The following LAMA2 variants were observed in gnomAD, a reference collection of about 807,000 sequenced individuals.
LAMA2 encodes the protein laminin subunit alpha-2.
Under a neutral mutation model 364.8 loss-of-function variants are expected in LAMA2, and 269 were observed. The ratio of observed to expected loss-of-function variants is 0.74; its 90% confidence interval spans 0.67 to 0.82. LAMA2 has a LOEUF of 0.82. Ranked by LOEUF, LAMA2 falls within the 40% of genes least tolerant of loss-of-function variation. LAMA2 has a pLI of 0.00. For missense variants in LAMA2, 3,807 were observed against 3,873.2 expected, an observed-to-expected ratio of 0.98 and a Z score of 0.45; for synonymous variants, 1,379 against 1,370.6, an observed-to-expected ratio of 1.01 and a Z score of -0.14.
At chr6:129,401,441 T>A in intron 38 of LAMA2, 101 bp downstream of exon 38, 1 of 808,748 alleles carries the variant, frequency 1.2e-6, no homozygotes, top group Non-Finnish European at 2.2e-6. Flanking sequence ...TGTTTTCTTG[T>A]GGAGATAAAA....
At chr6:129,298,281 A>T (rs895163295) in intron 21 of LAMA2, among the ~76,000 whole-genome samples, 6 of 152,132 alleles carry the variant, frequency 3.9e-5, no homozygotes, top group Non-Finnish European at 7.4e-5. Context: ...AAGAAAAGTC[A>T]AGGTGTTTTT....
At chr6:129,511,675 A>G (rs750505992) in intron 62 of LAMA2, among the ~76,000 whole-genome samples, 7 of 152,134 alleles carry the variant, frequency 4.6e-5, no homozygotes, top group Non-Finnish European at 1.0e-4. Context: ...ATCTTAACAT[A>G]TCACTTTGTT....
intron 4 of LAMA2, among the ~76,000 whole-genome samples, chr6:129,114,695 G>A (rs1026198513): frequency 4.0e-5 from 6 of 151,796 alleles, no homozygotes; most frequent in South Asian, 4.1e-4. Context: ...TACTGTTTAC[G>A]AGGCATTGCT....
chr6:129,418,303 G>A (rs758672971), intron 40 of LAMA2, among the ~76,000 whole-genome samples: 2 of 151,660 alleles, frequency 1.3e-5, no homozygotes, highest in South Asian at 2.1e-4. Flanking sequence ...TGAGTGTTTC[G>A]GTCTTTCACT....
chr6:129,193,612 C>G (rs1480939530), intron 12 of LAMA2, among the ~76,000 whole-genome samples: 1 of 152,184 alleles, frequency 6.6e-6, no homozygotes, highest in Non-Finnish European at 1.5e-5. Context: ...AACGTGAATA[C>G]TTGCTTGTTC....
intron 4 of LAMA2, among the ~76,000 whole-genome samples, chr6:129,102,725 T>C (rs1203816654): frequency 6.6e-6 from 1 of 152,222 alleles, no homozygotes; most frequent in African/African-American, 2.4e-5. Context: ...TGAAAGAGAA[T>C]GTGTAGAAAT....
At chr6:129,205,880 G>A (rs559590382) in intron 12 of LAMA2, among the ~76,000 whole-genome samples, 258 of 151,762 alleles carry the variant, frequency 1.7e-3, no homozygotes, top group Non-Finnish European at 2.8e-3. Flanking sequence ...AAAAATTAGC[G>A]GGTGTGGTGG....
At chr6:129,451,251 GA>G (rs1421328064) in intron 45 of LAMA2, among the ~76,000 whole-genome samples, 1 of 152,114 alleles carries the variant, frequency 6.6e-6, no homozygotes, top group Non-Finnish European at 1.5e-5. Flanking sequence ...ACTGTATGTA[GA>G]AGGGAAATTC....
chr6:129,105,136 A>G (rs1775744336), intron 4 of LAMA2, among the ~76,000 whole-genome samples: 2 of 152,194 alleles, frequency 1.3e-5, no homozygotes, highest in Non-Finnish European at 2.9e-5. Flanking sequence ...GCTTTGAGCA[A>G]ATGATACTGA....
At chr6:129,239,266 T>G (rs1460372243) in intron 12 of LAMA2, among the ~76,000 whole-genome samples, 1 of 152,110 alleles carries the variant, frequency 6.6e-6, no homozygotes, top group African/African-American at 2.4e-5. Flanking sequence ...CAGAGCTGAG[T>G]GTTTTGCCCC....
intron 30 of LAMA2, among the ~76,000 whole-genome samples, chr6:129,346,072 A>G (rs1776534064): frequency 6.6e-6 from 1 of 152,208 alleles, no homozygotes; most frequent in Admixed American, 6.6e-5. Flanking sequence ...CATTAGTTCA[A>G]GTCCTCATTA....
intron 43 of LAMA2, among the ~76,000 whole-genome samples, chr6:129,441,490 T>G (rs961605200): frequency 6.6e-6 from 1 of 152,102 alleles, no homozygotes; most frequent in Non-Finnish European, 1.5e-5. Flanking sequence ...ACATCACATT[T>G]CTGGGAAATA....
chr6:129,098,338 C>G lies in LAMA2; in HGVS notation c.562C>G (p.Pro188Ala), dbSNP rs1452556288. 1 of 1,614,034 alleles carries G rather than the reference C, an allele frequency of 6.2e-7. No individual in the cohort carries two copies. The highest frequency in any genetic ancestry group is 8.5e-7 in the Non-Finnish European group (1 of 1,179,942). ...TTACAATATTTATCCCCGCACTGGG[C>G]CACCGTCATATGCCAAAGATGATGA... ...TLYNIYPRTG[P>A]PSYAKDDEVI... Residue 188 changes from proline to alanine, a missense_variant, in exon 4 of 65, where the codon CCA becomes GCA. Physicochemically the swap from Pro to Ala is conservative, Grantham distance 27 (BLOSUM62 -1). Coordinates refer to ENST00000421865, the MANE Select transcript of LAMA2 (RefSeq NM_000426.4).
At chr6:129,413,057 A>C (rs1476353107) in intron 40 of LAMA2, among the ~76,000 whole-genome samples, 4 of 152,246 alleles carry the variant, frequency 2.6e-5, no homozygotes, top group African/African-American at 9.6e-5. Flanking sequence ...TCTATGTATG[A>C]CTTACACAAA....
At chr6:129,154,169 T>C (rs1778969314) in intron 7 of LAMA2, among the ~76,000 whole-genome samples, 1 of 152,156 alleles carries the variant, frequency 6.6e-6, no homozygotes, top group Non-Finnish European at 1.5e-5. Context: ...ATTCCAGCAC[T>C]TTGAGAGGCT....
At chr6:129,368,380 G>T (rs1777891524) in intron 33 of LAMA2, among the ~76,000 whole-genome samples, 1 of 152,208 alleles carries the variant, frequency 6.6e-6, no homozygotes. Flanking sequence ...GAAAGATAAG[G>T]CTGGAGACTT....
chr6:129,243,803 T>C (rs1785549747), intron 12 of LAMA2, among the ~76,000 whole-genome samples: 1 of 151,742 alleles, frequency 6.6e-6, no homozygotes, highest in East Asian at 1.9e-4. Context: ...GACATAGTTA[T>C]TGTGAAAAGA....
intron 41 of LAMA2, among the ~76,000 whole-genome samples, chr6:129,431,285 G>T (rs1302599283): frequency 6.6e-6 from 1 of 151,828 alleles, no homozygotes; most frequent in African/African-American, 2.4e-5. Flanking sequence ...TGTAATCCCA[G>T]CTACTCAGGA....
At chr6:129,421,029 TA>T (rs964604810) in intron 40 of LAMA2, among the ~76,000 whole-genome samples, 2 of 152,180 alleles carry the variant, frequency 1.3e-5, no homozygotes, top group Non-Finnish European at 2.9e-5. Flanking sequence ...GTTGGGTAAA[TA>T]AATCAATTCA....
Sources: allele counts gnomAD v4.1 joint callset (sites outside exome capture counted in the v4.1 genomes callset), GRCh38; gene constraint gnomAD v4.1.1; transcripts MANE v1.5; gene names NCBI Gene and HGNC (gene_info 2026-07-23, HGNC 2026-07-21).